Variants in ACSBG1 observed in about 807,000 individuals in gnomAD.
ACSBG1 encodes long-chain-fatty-acid--CoA ligase ACSBG1.
A neutral mutation model predicts 80.2 loss-of-function variants in ACSBG1; 39 were observed. The ratio of observed to expected loss-of-function variants is 0.49; its 90% CI spans 0.38 to 0.64. The LOEUF (loss-of-function observed/expected upper bound fraction) is 0.64. Among genes scored for constraint, ACSBG1 ranks in the 30% least tolerant of loss-of-function variants. The pLI, the probability that ACSBG1 is intolerant of heterozygous loss-of-function variation, is 0.00. For missense variants in ACSBG1, 828 were observed against 966.4 expected, an observed-to-expected ratio of 0.86 and a Z score of 1.90; for synonymous variants, 392 against 379.5, an observed-to-expected ratio of 1.03 and a Z score of -0.38.
rs562091602 is a variant in ACSBG1, at chr15:78,178,812, C to T, written c.1504G>A (p.Gly502Ser). 3.3e-5 allele frequency: 53 copies of T among 1,612,632 alleles called. No individual in the cohort carries two copies. The African/African-American group carries it at 4.0e-4, about 12-fold the overall frequency. The part of the protein sequence containing the change: ...RLYSSGKLVP[G>S]CRVKLVNQDA... ...TGGTTCACCAGCTTCACCCGACAGCCGGGCACCAACTTGCCTGAGCTGGCG... is the reference window on the plus strand; with the variant it reads ...TGGTTCACCAGCTTCACCCGACAGCTGGGCACCAACTTGCCTGAGCTGGCG... The change falls in exon 11 of 14, where the codon GGC (glycine) becomes AGC (serine). Residue 502 changes from glycine to serine, a missense_variant. By Grantham distance (56) the Gly-to-Ser change is moderately conservative. Around this residue, in one of 3 missense-constraint regions of ACSBG1, gnomAD observed 271 missense variants for 375.9 expected, o/e 0.72. Transcript: ENST00000258873. This position sits in a 1 kb window ranked among gnomAD's most constrained non-coding sequence, Gnocchi z 4.3.
chr15:78,208,457 G>T (rs191448248), intron 1 of ACSBG1, among the ~76,000 whole-genome samples: 2 of 152,176 alleles, frequency 1.3e-5, no homozygotes, highest in African/African-American at 4.8e-5. Flanking sequence ...GCTAAGGTCC[G>T]CACTGGAGGA....
At chr15:78,192,291 C>T (rs2075063759) in intron 5 of ACSBG1, among the ~76,000 whole-genome samples, 1 of 152,072 alleles carries the variant, frequency 6.6e-6, no homozygotes, top group African/African-American at 2.4e-5. Context: ...CGGCTGTCAC[C>T]ATCCTCCCCA....
rs768276737 is a variant in ACSBG1, at chr15:78,182,752, C to T, written c.697G>A (p.Val233Met). 13 of 1,614,126 alleles carry T rather than the reference C, an allele frequency of 8.1e-6. No individual in the cohort carries two copies. Among genetic ancestry groups the T allele is most frequent in the Non-Finnish European group, 1.1e-5 (13 of 1,180,052 alleles). ...TTTGGAGGAGGTTCTTTATATATCACGACTGCCTTTAGATGTGGCAACTGT... is the reference window on the plus strand; with the variant it reads ...TTTGGAGGAGGTTCTTTATATATCATGACTGCCTTTAGATGTGGCAACTGT... ...WKQLPHLKAVVIYKEPPPNKM... is the reference protein window; with the variant it reads ...WKQLPHLKAVMIYKEPPPNKM... Residue 233 changes from valine (V) to methionine (M), a missense_variant, in exon 6 of 14, where the codon GTG (valine) becomes ATG (methionine). Around this residue, in one of 3 missense-constraint regions of ACSBG1, gnomAD observed 356 missense variants for 363.5 expected, o/e 0.98. Transcript: ENST00000258873.
chr15:78,192,401 T>C (rs900263451), intron 5 of ACSBG1, among the ~76,000 whole-genome samples: 14 of 152,182 alleles, frequency 9.2e-5, no homozygotes, highest in African/African-American at 3.4e-4. Flanking sequence ...TCAGAGGCCT[T>C]TGTACGTCTA....
Position 78,169,116 on chromosome 15 carries a change from T to G in ACSBG1, c.*2328A>C. On this transcript the variant is annotated 3_prime_UTR_variant, in exon 14 of 14. Transcript: ENST00000258873. ...GGTTTGCTTGTTTCTTGACAGTACATTTTTAGATCTGGCCTTTTCTTAACA... is the reference window on the plus strand; with the variant it reads ...GGTTTGCTTGTTTCTTGACAGTACAGTTTTAGATCTGGCCTTTTCTTAACA... 1.7e-6 allele frequency: 1 copy of G among 592,460 alleles called. No individual in the cohort carries two copies. Among genetic ancestry groups the G allele is most frequent in the Non-Finnish European group, 2.9e-6 (1 of 345,894 alleles). 36.7% of individuals were successfully genotyped at this position (592,460 alleles called of 1,614,324 possible).
intron 1 of ACSBG1, among the ~76,000 whole-genome samples, chr15:78,210,225 T>C (rs1053960223): frequency 2.0e-5 from 3 of 152,198 alleles, no homozygotes; most frequent in African/African-American, 7.2e-5. Flanking sequence ...TCTGCCAGCA[T>C]CAGTTTAACA....
rs549835497 is a variant in ACSBG1 at position 78,207,447 on chromosome 15, GTAT to G, written c.232+552_232+554del. The stretch of plus-strand genomic sequence containing the variant: ...CAGCCAATAAAAGTGCACAAAAGAT[GTAT>G]TATTATTATTATTATCATTTTGATG... On this transcript the variant is annotated intron_variant, in intron 2 of 13. Transcript: ENST00000258873. Among the ~76,000 whole-genome samples, 50 of 152,100 alleles carry G rather than the reference GTAT, an allele frequency of 3.3e-4. No individual in the cohort carries two copies. The South Asian group carries it at 6.2e-3, about 19-fold the overall frequency.
At position 78,234,548 on chromosome 15, in the gene ACSBG1, G is replaced by A. The variant is rs886532495; in HGVS notation, c.-47C>T. ...GACAGCTCAGTCACCCACTGAGAGA[G>A]GCTAGCCTTGAGTGAGCAGTGGGGG... On this transcript the variant is annotated 5_prime_UTR_variant, in exon 1 of 14. Coordinates refer to ENST00000258873, the MANE Select transcript of ACSBG1 (RefSeq NM_015162.5). 3 of 1,594,370 alleles carry A rather than the reference G, an allele frequency of 1.9e-6. No individual in the cohort carries two copies. The African/African-American group carries it at 4.0e-5, about 21-fold the overall frequency.
chr15:78,173,782 C>G lies in ACSBG1; in HGVS notation c.1900G>C (p.Glu634Gln). 1 of 1,614,174 alleles carries G rather than the reference C, an allele frequency of 6.2e-7. No homozygotes were observed. Among genetic ancestry groups the G allele is most frequent in the Non-Finnish European group, 8.5e-7 (1 of 1,180,042 alleles). The change falls in exon 13 of 14, where the codon GAG becomes CAG. Residue 634 changes from glutamate (E) to glutamine (Q), a missense_variant. This residue lies in a region of ACSBG1 where 201 missense variants were observed against 227.0 expected (regional missense o/e 0.89). Coordinates refer to ENST00000258873, the MANE Select transcript of ACSBG1 (RefSeq NM_015162.5). The stretch of plus-strand genomic sequence containing the variant: ...CTGCTGCCCACCCTCTGGCAGAACT[C>G]CATAGCTTGTTCAGTCAGATTATCA... ...QTDNLTEQAMEFCQRVGSRAT... is the reference protein window; with the variant it reads ...QTDNLTEQAMQFCQRVGSRAT...
chr15:78,214,417 T>C (rs1023027054), intron 1 of ACSBG1, among the ~76,000 whole-genome samples: 2 of 152,190 alleles, frequency 1.3e-5, no homozygotes, highest in African/African-American at 4.8e-5. Context: ...TAGCTAGTGT[T>C]AGGTGGAAAT....
Position 78,207,931 on chromosome 15 carries a change from C to T in ACSBG1, c.232+71G>A, listed in dbSNP as rs992729027. 1.1e-5 allele frequency: 9 copies of T among 806,188 alleles called. No homozygotes were observed. In the Admixed American group the frequency reaches 1.7e-4, roughly 15 times the overall value. 49.9% of individuals were successfully genotyped at this position (806,188 alleles called of 1,614,324 possible). A position where few individuals can be genotyped will look rare whatever the true frequency, so the allele number is the denominator to read the frequency against. On this transcript the variant is annotated intron_variant, in intron 2 of 13. Coordinates refer to ENST00000258873, the MANE Select transcript of ACSBG1 (RefSeq NM_015162.5). ...CTGTGTGGTGGTCCCCCACACCACC[C>T]ACCCCTCCAGCACACCCAGCACAGC...
At chr15:78,220,162 A>G (rs1299128797) in intron 1 of ACSBG1, among the ~76,000 whole-genome samples, 1 of 152,284 alleles carries the variant, frequency 6.6e-6, no homozygotes, top group Non-Finnish European at 1.5e-5. Flanking sequence ...AATAGAATTA[A>G]GAATTCAGAA....
At chr15:78,190,167 G>A (rs1366777715) in intron 5 of ACSBG1, among the ~76,000 whole-genome samples, 5 of 152,006 alleles carry the variant, frequency 3.3e-5, no homozygotes, top group Non-Finnish European at 7.4e-5. Context: ...TTAGTACTTT[G>A]GGAAGCCGAG....
rs1194172286 is a variant in ACSBG1 at position 78,177,772 on chromosome 15, C to T, written c.1702+842G>A. 4.6e-5 allele frequency among the ~76,000 whole-genome samples: 7 copies of T among 152,178 alleles called. No individual in the cohort carries two copies. The highest frequency in any genetic ancestry group is 4.6e-4 in the Admixed American group (7 of 15,276). On this transcript the variant is annotated intron_variant, in intron 11 of 13. Coordinates refer to ENST00000258873, the MANE Select transcript of ACSBG1 (RefSeq NM_015162.5). This position sits in a 1 kb window ranked among gnomAD's most constrained non-coding sequence, Gnocchi z 4.1. ...TGATGTCCACAAAGTAGTTTACCCA[C>T]TCAACTTAGCTTCAGTTTCCCCCAT...
chr15:78,220,839 T>C lies in ACSBG1; in HGVS notation c.132-12737A>G, dbSNP rs2075354216. On this transcript the variant is annotated intron_variant, in intron 1 of 13. Transcript: ENST00000258873. ...CAGTGTTGGCAAGGATGTGGAGAAA[T>C]TAGAAACCTCCTATACTGCTGGTGG... Among the ~76,000 whole-genome samples the C allele has an allele frequency of 2.0e-5, 3 of 152,126 alleles. No homozygotes were observed. The South Asian group carries it at 6.2e-4, about 32-fold the overall frequency.
chr15:78,193,660 A>G, intron 4 of ACSBG1, 34 bp from the exon 5 acceptor site: 1 of 1,594,094 alleles, frequency 6.3e-7, no homozygotes, highest in Non-Finnish European at 8.6e-7. Context: ...ACCTTAGGGG[A>G]GGTGCAGAGG....
In ACSBG1 at chr15:78,215,120, A is replaced by G. The variant is rs574675165; in HGVS notation, c.132-7018T>C. On this transcript the variant is annotated intron_variant, in intron 1 of 13. Coordinates refer to ENST00000258873, the MANE Select transcript of ACSBG1 (RefSeq NM_015162.5). ...ACAGGACTTCGGAAGCCCATGCTAT[A>G]TTAACGACCCCAATCCTAGTGAATC... 7.0e-4 allele frequency among the ~76,000 whole-genome samples: 107 copies of G among 152,086 alleles called. 1 individual carries two copies. The South Asian group carries it at 0.021, about 30-fold the overall frequency.
intron 1 of ACSBG1, chr15:78,212,866 C>T (rs1187154921): frequency 4.2e-6 from 1 of 240,180 alleles, no homozygotes; most frequent in African/African-American, 2.3e-5. Flanking sequence ...GCCCAAACAC[C>T]CTCAGAATCA....
At chr15:78,228,570 A>G (rs766593429) in intron 1 of ACSBG1, among the ~76,000 whole-genome samples, 1 of 152,152 alleles carries the variant, frequency 6.6e-6, no homozygotes, top group Non-Finnish European at 1.5e-5. Flanking sequence ...TGAGAGGACT[A>G]CCGCTGGCTT....
Sources: allele counts gnomAD v4.1 joint callset (sites outside exome capture counted in the v4.1 genomes callset), GRCh38; gene constraint gnomAD v4.1.1; regional missense constraint gnomAD v4.1.1; non-coding constraint Gnocchi (gnomAD v3.1); transcripts MANE v1.5; gene names NCBI Gene and HGNC (gene_info 2026-07-23, HGNC 2026-07-21).